Variants in CHST15 observed in about 807,000 individuals in gnomAD.
CHST15 encodes the protein carbohydrate sulfotransferase 15.
A neutral mutation model predicts 53.6 loss-of-function variants in CHST15; 30 were observed. The observed-to-expected ratio is 0.56, with a 90% confidence interval of 0.42 to 0.76. CHST15 has a LOEUF of 0.76. Among genes scored for constraint, CHST15 ranks in the 30% least tolerant of loss-of-function variants. The pLI is 0.00. For missense variants in CHST15, 627 were observed against 740.5 expected, an observed-to-expected ratio of 0.85 and a Z score of 1.78; for synonymous variants, 296 against 289.8, an observed-to-expected ratio of 1.02 and a Z score of -0.22.
At chr10:124,037,187 G>T (rs568333147) in intron 5 of CHST15, among the ~76,000 whole-genome samples, 1 of 152,170 alleles carries the variant, frequency 6.6e-6, no homozygotes, top group Non-Finnish European at 1.5e-5. Flanking sequence ...GAGTGCATCT[G>T]CAAAGAAAGA....
chr10:124,080,654 GA>G (rs1169065826), intron 1 of CHST15, among the ~76,000 whole-genome samples: 1 of 152,196 alleles, frequency 6.6e-6, no homozygotes, highest in Admixed American at 6.5e-5. Context: ...CAGAAGAGTT[GA>G]AGACATTGAA....
intron 1 of CHST15, among the ~76,000 whole-genome samples, chr10:124,092,757 T>TG (rs2134285287): frequency 6.6e-6 from 1 of 152,254 alleles, no homozygotes; most frequent in South Asian, 2.1e-4. Flanking sequence ...GATAGGGGTG[T>TG]GGGGGCGGAG....
intron 5 of CHST15, among the ~76,000 whole-genome samples, chr10:124,035,477 C>T (rs376486270): frequency 6.6e-6 from 1 of 151,224 alleles, no homozygotes; most frequent in African/African-American, 2.4e-5. Flanking sequence ...TAACAGGGAC[C>T]CCGGCTCTAC....
intron 1 of CHST15, among the ~76,000 whole-genome samples, chr10:124,085,438 C>G (rs1323648734): frequency 1.3e-5 from 2 of 152,256 alleles, no homozygotes. Context: ...TTCCATTAGA[C>G]TCTCGACTCC....
At chr10:124,081,087 C>A (rs1949219120) in intron 1 of CHST15, among the ~76,000 whole-genome samples, 1 of 152,210 alleles carries the variant, frequency 6.6e-6, no homozygotes, top group African/African-American at 2.4e-5. Flanking sequence ...TAAAATTCCA[C>A]CACTGCTACC....
At chr10:124,076,229 T>A (rs1403774551) in intron 1 of CHST15, among the ~76,000 whole-genome samples, 5 of 152,290 alleles carry the variant, frequency 3.3e-5, no homozygotes, top group African/African-American at 1.2e-4. Context: ...ACACACATAA[T>A]GTAGATGGGT....
rs190820424 is a variant in CHST15, at chr10:124,089,920, T to C, written c.-513+3549A>G. 1.1e-3 allele frequency among the ~76,000 whole-genome samples: 174 copies of C among 152,294 alleles called. 2 individuals are homozygous for C. The South Asian group carries it at 0.017, about 15-fold the overall frequency. The stretch of plus-strand genomic sequence containing the variant: ...GGTGAAAGGAATTATATGAAAAGGT[T>C]CATGCAGATGACTTTCTACATCATG... On this transcript the variant is annotated intron_variant, in intron 1 of 7. Transcript: ENST00000435907.
At chr10:124,040,193 G>A (rs575603873) in intron 4 of CHST15, among the ~76,000 whole-genome samples, 61 of 152,142 alleles carry the variant, frequency 4.0e-4, no homozygotes, top group Non-Finnish European at 7.5e-4. Flanking sequence ...CCATGGAGGC[G>A]TTTGTCCATC....
In CHST15 at chr10:124,008,555, G is replaced by A. The variant is rs1359134453; in HGVS notation, c.*1594C>T. ...CAAAAACAGCCCTGGCCATCCTGGC[G>A]CTCAGAGCCCTCTGCACACCTTCGA... On this transcript the variant is annotated 3_prime_UTR_variant, in exon 8 of 8. Transcript: ENST00000435907. The A allele has an allele frequency of 4.5e-5, 45 of 992,462 alleles. No individual in the cohort carries two copies. The highest frequency in any genetic ancestry group is 5.1e-4 in the Middle Eastern group (1 of 1,952). The allele number at this position is 992,462 out of a possible 1,614,324, so 61.5% of individuals were successfully genotyped here. A position where few individuals can be genotyped will look rare whatever the true frequency, so the allele number is the denominator to read the frequency against.
At position 124,010,356 on chromosome 10, in the gene CHST15, C is replaced by A; in HGVS notation, c.1496-17G>T. 6.4e-7 allele frequency: 1 copy of A among 1,553,034 alleles called. No individual in the cohort carries two copies. Among genetic ancestry groups the A allele is most frequent in the East Asian group, 2.3e-5 (1 of 43,826 alleles). Reference sequence around the variant, plus strand: ...TTAAGGGCCCTAGAATAAAAGAAGACGAGTCCCGTAAGGCAGGAGGCATGG... The same window carrying A: ...TTAAGGGCCCTAGAATAAAAGAAGAAGAGTCCCGTAAGGCAGGAGGCATGG... On this transcript the variant is annotated splice_polypyrimidine_tract_variant and intron_variant, in intron 7 of 7. Transcript: ENST00000435907.
intron 1 of CHST15, among the ~76,000 whole-genome samples, chr10:124,078,898 A>G (rs899081181): frequency 6.6e-6 from 1 of 152,226 alleles, no homozygotes; most frequent in Non-Finnish European, 1.5e-5. Flanking sequence ...TGAAGGGTAC[A>G]CAGGGAGTCT....
At chr10:124,031,458 T>C (rs1324872184) in intron 5 of CHST15, among the ~76,000 whole-genome samples, 1 of 152,228 alleles carries the variant, frequency 6.6e-6, no homozygotes, top group Admixed American at 6.5e-5. Context: ...CTACTGCTCC[T>C]ATGCTGTCAG....
At chr10:124,080,611 G>A (rs1481824467) in intron 1 of CHST15, among the ~76,000 whole-genome samples, 3 of 152,080 alleles carry the variant, frequency 2.0e-5, no homozygotes, top group Admixed American at 1.3e-4. Flanking sequence ...TTCACTGGAG[G>A]GTGACTCTCA....
intron 4 of CHST15, among the ~76,000 whole-genome samples, chr10:124,041,661 CTTAAA>C (rs1947746580): frequency 6.6e-6 from 1 of 152,082 alleles, no homozygotes; most frequent in Non-Finnish European, 1.5e-5. Context: ...TGCTGTACAC[CTTAAA>C]TTATACAATA....
intron 7 of CHST15, 23 bp downstream of exon 7, chr10:124,012,310 C>G: frequency 6.2e-7 from 1 of 1,600,910 alleles, no homozygotes; most frequent in Non-Finnish European, 8.5e-7. Context: ...TTTGGCCCGT[C>G]AGTCTAAGCA....
intron 1 of CHST15, among the ~76,000 whole-genome samples, chr10:124,088,627 G>A (rs1021292396): frequency 1.3e-5 from 2 of 152,078 alleles, no homozygotes; most frequent in African/African-American, 4.8e-5. Flanking sequence ...CATCCGGATG[G>A]CTGAGAGCTT....
rs1159832223 is a variant in CHST15, at chr10:124,034,575, TCCCCTAACAGGGACCCTGGCTCCAC to T, written c.1190+3915_1190+3939del. On this transcript the variant is annotated intron_variant, in intron 5 of 7. Coordinates refer to ENST00000435907, the MANE Select transcript of CHST15 (RefSeq NM_001270764.2). ...TCCCCTAACAGGGACCCTGGCTTCA[TCCCCTAACAGGGACCCTGGCTCCAC>T]CCCCTAACAGGGACCCTGGCTTCAC... 0.017 allele frequency among the ~76,000 whole-genome samples: 1,634 copies of T among 96,646 alleles called. 57 individuals carry two copies. In the East Asian group the frequency reaches 0.18, roughly 11 times the overall value. 63.4% of individuals were successfully genotyped at this position (96,646 alleles called of 152,430 possible).
intron 1 of CHST15, among the ~76,000 whole-genome samples, chr10:124,088,568 C>A (rs975085602): frequency 6.6e-6 from 1 of 152,224 alleles, no homozygotes. Context: ...CCCCTCACCC[C>A]CTTATTTCCC....
rs1337515144 is a variant in CHST15, at chr10:124,044,934, A to C, written c.547-15T>G. On this transcript the variant is annotated splice_polypyrimidine_tract_variant and intron_variant, in intron 2 of 7. Coordinates refer to ENST00000435907, the MANE Select transcript of CHST15 (RefSeq NM_001270764.2). ...ACTGAAAACATCTGCAAGGAAACAG[A>C]GGAGGAGAGACACAGAGGAGGGGAA... 1 of 1,430,250 alleles carries C rather than the reference A, an allele frequency of 7.0e-7. No homozygotes were observed. Among genetic ancestry groups the C allele is most frequent in the Non-Finnish European group, 9.2e-7 (1 of 1,086,492 alleles). The allele number at this position is 1,430,250 out of a possible 1,614,324, so 88.6% of individuals were successfully genotyped here. A position where few individuals can be genotyped will look rare whatever the true frequency, so the allele number is the denominator to read the frequency against.
Sources: allele counts gnomAD v4.1 joint callset (sites outside exome capture counted in the v4.1 genomes callset), GRCh38; gene constraint gnomAD v4.1.1; transcripts MANE v1.5; gene names NCBI Gene and HGNC (gene_info 2026-07-23, HGNC 2026-07-21).